The following SLC16A7 variants were observed in gnomAD, a reference collection of about 807,000 sequenced individuals.
SLC16A7 encodes the protein monocarboxylate transporter 2.
Under a neutral mutation model 34.9 loss-of-function variants are expected in SLC16A7, and 33 were observed. The ratio of observed to expected loss-of-function variants is 0.94; its 90% CI spans 0.72 to 1.26. The LOEUF is 1.26. SLC16A7 is among the 50% of genes most tolerant of loss of function. SLC16A7 has a pLI of 0.00. For synonymous variants in SLC16A7, 201 were observed against 206.6 expected (o/e 0.97, Z 0.23); for missense variants, 573 against 578.1 (o/e 0.99, Z 0.09).
In SLC16A7 at chr12:59,708,781, G is replaced by C. The variant is rs557980414; in HGVS notation, c.217+3763G>C. On this transcript the variant is annotated intron_variant, in intron 3 of 5. Transcript: ENST00000547379. Reference sequence around the variant, plus strand: ...GTTGGTATCTGGGCTTTGGTAGCAAGGTATTATCTTCCCTTCTGATGTCTG... The same window carrying C: ...GTTGGTATCTGGGCTTTGGTAGCAACGTATTATCTTCCCTTCTGATGTCTG... 3.2e-4 allele frequency among the ~76,000 whole-genome samples: 48 copies of C among 151,664 alleles called. 2 individuals are homozygous for C. The highest frequency in any genetic ancestry group is 1.0e-3 in the African/African-American group (43 of 41,018).
intron 2 of SLC16A7, among the ~76,000 whole-genome samples, chr12:59,695,102 A>G (rs1040568591): frequency 2.0e-5 from 3 of 150,544 alleles, no homozygotes; most frequent in African/African-American, 4.9e-5. Flanking sequence ...TTTTTTTTCT[A>G]TTTTCTTGGA....
At chr12:59,753,471 A>C (rs1447121584) in intron 3 of SLC16A7, among the ~76,000 whole-genome samples, 4 of 152,192 alleles carry the variant, frequency 2.6e-5, no homozygotes, top group African/African-American at 9.7e-5. Flanking sequence ...CTCTGATAAA[A>C]CAGACTTTAA....
Position 59,779,289 on chromosome 12 carries a change from T to C in SLC16A7, c.1181-134T>C, listed in dbSNP as rs1266749667. Reference sequence around the variant, plus strand: ...CATATGTAGAAGTCATAATCTAGATTTTTTTATTTTTAAAGTCTTATTTGA... The same window carrying C: ...CATATGTAGAAGTCATAATCTAGATCTTTTTATTTTTAAAGTCTTATTTGA... On this transcript the variant is annotated intron_variant, in intron 5 of 5. Coordinates refer to ENST00000547379, the MANE Select transcript of SLC16A7 (RefSeq NM_001270623.2). The C allele has an allele frequency of 9.1e-6, 6 of 660,132 alleles. No individual in the cohort carries two copies. In the East Asian group the frequency reaches 1.7e-4, roughly 19 times the overall value. The allele number at this position is 660,132 out of a possible 1,614,324, so 40.9% of individuals were successfully genotyped here. A position where few individuals can be genotyped will look rare whatever the true frequency, so the allele number is the denominator to read the frequency against.
At chr12:59,713,001 CTTTTCTTTTCTTTTT>C (rs527286524) in intron 3 of SLC16A7, among the ~76,000 whole-genome samples, 128 of 151,482 alleles carry the variant, frequency 8.4e-4, no homozygotes, top group African/African-American at 3.0e-3. Context: ...GTTTTCTTTT[CTTTTCTTTTCTTTTT>C]TTTTCTTTTC....
intron 2 of SLC16A7, among the ~76,000 whole-genome samples, chr12:59,676,355 T>G (rs1227940627): frequency 6.6e-6 from 1 of 152,210 alleles, no homozygotes; most frequent in East Asian, 1.9e-4. Flanking sequence ...GAACTTTTAT[T>G]TTTTAAAGTA....
chr12:59,666,241 A>C (rs112188954), intron 2 of SLC16A7, among the ~76,000 whole-genome samples: 2 of 152,138 alleles, frequency 1.3e-5, no homozygotes, highest in South Asian at 4.1e-4. Context: ...TAGAGAAATC[A>C]TATTTTATTC....
At chr12:59,637,445 TTC>T (rs1395508572) in intron 1 of SLC16A7, among the ~76,000 whole-genome samples, 1 of 152,004 alleles carries the variant, frequency 6.6e-6, no homozygotes, top group African/African-American at 2.4e-5. Context: ...ATCATTCTCT[TTC>T]TGTTTTTTTT....
rs1883742739 is a variant in SLC16A7 at position 59,788,029 on chromosome 12, C to T, written c.*8350C>T. The T allele has an allele frequency of 6.6e-6, 1 of 152,088 alleles. No individual in the cohort carries two copies. Among genetic ancestry groups the T allele is most frequent in the Non-Finnish European group, 1.5e-5 (1 of 68,018 alleles). 9.4% of individuals were successfully genotyped at this position (152,088 alleles called of 1,614,324 possible). A position where few individuals can be genotyped will look rare whatever the true frequency, so the allele number is the denominator to read the frequency against. ...GCTTTTTATGTAAAAGTTCTTCTCC[C>T]AGATATTTTAAACCAGTATGTTAAT... On this transcript the variant is annotated 3_prime_UTR_variant, in exon 6 of 6. Transcript: ENST00000547379.
intron 1 of SLC16A7, among the ~76,000 whole-genome samples, chr12:59,600,588 G>T (rs1198402478): frequency 6.6e-6 from 1 of 152,130 alleles, no homozygotes; most frequent in East Asian, 1.9e-4. Context: ...TGAGAGACTA[G>T]CCTAAAATGG....
intron 2 of SLC16A7, among the ~76,000 whole-genome samples, chr12:59,657,205 G>A (rs1157268754): frequency 1.3e-5 from 2 of 151,874 alleles, no homozygotes; most frequent in Non-Finnish European, 2.9e-5. Flanking sequence ...TTGTGGTAGA[G>A]GCATTTTAAT....
At chr12:59,617,638 A>G (rs1327348153) in intron 1 of SLC16A7, among the ~76,000 whole-genome samples, 1 of 152,036 alleles carries the variant, frequency 6.6e-6, no homozygotes, top group Non-Finnish European at 1.5e-5. Context: ...CATAATAAAA[A>G]TCACAAATAT....
At chr12:59,775,599 G>C (rs1882685911) in intron 5 of SLC16A7, 124 bp downstream of exon 5, 1 of 680,954 alleles carries the variant, frequency 1.5e-6, no homozygotes, top group Admixed American at 3.2e-5. Flanking sequence ...AATATGGGCA[G>C]GTTAATTTTA....
chr12:59,698,261 C>G (rs1024132472), intron 2 of SLC16A7, among the ~76,000 whole-genome samples: 2 of 151,786 alleles, frequency 1.3e-5, no homozygotes, highest in East Asian at 3.9e-4. Flanking sequence ...GATTATGCAA[C>G]TATTTATGAT....
chr12:59,776,630 G>A (rs1291914093), intron 5 of SLC16A7, among the ~76,000 whole-genome samples: 1 of 152,066 alleles, frequency 6.6e-6, no homozygotes, highest in Non-Finnish European at 1.5e-5. Context: ...CTGAAAGTGT[G>A]AAAAGTTATG....
chr12:59,647,823 G>A (rs1044504649), intron 1 of SLC16A7, among the ~76,000 whole-genome samples: 12 of 152,040 alleles, frequency 7.9e-5, no homozygotes, highest in African/African-American at 2.7e-4. Context: ...TGGGAGGATC[G>A]CTTGATGCCG....
chr12:59,696,540 T>TA (rs1481418774), intron 2 of SLC16A7: 1 of 152,078 alleles, frequency 6.6e-6, no homozygotes, highest in African/African-American at 2.4e-5. Context: ...ACTATACTTT[T>TA]AACTCTGTTT....
At chr12:59,693,922 A>G (rs1003683227) in intron 2 of SLC16A7, among the ~76,000 whole-genome samples, 2 of 151,970 alleles carry the variant, frequency 1.3e-5, no homozygotes, top group African/African-American at 4.8e-5. Context: ...TACTTAAAAA[A>G]GTCACTTTGC....
At chr12:59,606,058 A>G (rs898937791) in intron 1 of SLC16A7, among the ~76,000 whole-genome samples, 1 of 152,222 alleles carries the variant, frequency 6.6e-6, no homozygotes. Flanking sequence ...ATATTGAGGC[A>G]GAACTTCTTT....
intron 3 of SLC16A7, among the ~76,000 whole-genome samples, chr12:59,719,204 A>G (rs1795890): frequency 0.12 from 18,673 of 152,192 alleles, 1,498 homozygotes; most frequent in African/African-American, 0.22. Flanking sequence ...TCAAAAGCAC[A>G]TATTTGTGAA....
Sources: allele counts gnomAD v4.1 joint callset (sites outside exome capture counted in the v4.1 genomes callset), GRCh38; gene constraint gnomAD v4.1.1; transcripts MANE v1.5; gene names NCBI Gene and HGNC (gene_info 2026-07-23, HGNC 2026-07-21).